Variants in MRM1 observed in about 807,000 individuals in gnomAD.
The protein encoded by MRM1 is mitochondrial rRNA methyltransferase 1.
In MRM1, 24 loss-of-function variants were observed where a neutral mutation model predicts 25.0. That is an observed-to-expected ratio of 0.96 (90% CI 0.69 to 1.35). The LOEUF (loss-of-function observed/expected upper bound fraction) is 1.35, where lower values mean the gene tolerates loss of function less well. Among genes scored for constraint, MRM1 ranks in the 40% most tolerant of loss-of-function variants. The probability of loss-of-function intolerance (pLI) is 0.00; values close to 1 mark genes in which losing one functional copy is unlikely to be tolerated. For missense variants in MRM1, 431 were observed against 464.1 expected, an observed-to-expected ratio of 0.93 and a Z score of 0.65; for synonymous variants, 188 against 199.2, an observed-to-expected ratio of 0.94 and a Z score of 0.47.
At chr17:36,621,198 A>C in the MRM1 span, among the ~76,000 whole-genome samples, 1 of 152,076 alleles carries the variant, frequency 6.6e-6, no homozygotes, top group Admixed American at 6.6e-5. Context: ...CCAAGGACCC[A>C]AGCCAGCCAC....
At chr17:36,619,950 A>C in the MRM1 span, among the ~76,000 whole-genome samples, 1 of 152,014 alleles carries the variant, frequency 6.6e-6, no homozygotes, top group Admixed American at 6.6e-5. Flanking sequence ...GTCATTTGTG[A>C]TGTCGGGCAT....
intron 2 of MRM1, chr17:36,603,194 A>G (rs1161055155): frequency 5.8e-5 from 51 of 880,990 alleles, no homozygotes; most frequent in Non-Finnish European, 6.8e-5. Flanking sequence ...CCCCAACTGC[A>G]GGGTGAGAAA....
chr17:36,610,061 G>A (rs2074966384), downstream of MRM1, among the ~76,000 whole-genome samples: 1 of 151,922 alleles, frequency 6.6e-6, no homozygotes, highest in Non-Finnish European at 1.5e-5. Context: ...AAGTGGCTGG[G>A]ACTACAGGCG....
the MRM1 span, among the ~76,000 whole-genome samples, chr17:36,632,040 A>G: frequency 6.6e-6 from 1 of 152,176 alleles, no homozygotes; most frequent in African/African-American, 2.4e-5. Flanking sequence ...TTTTTAGTAG[A>G]GACGGAGTTT....
the MRM1 span, among the ~76,000 whole-genome samples, chr17:36,621,234 C>T: frequency 1.9e-3 from 287 of 152,308 alleles, 2 homozygotes; most frequent in Non-Finnish European, 1.4e-3. Flanking sequence ...CATCCTGTGA[C>T]TGCTCCCCAT....
At chr17:36,618,661 GCCCA>G in the MRM1 span, among the ~76,000 whole-genome samples, 1 of 152,176 alleles carries the variant, frequency 6.6e-6, no homozygotes, top group South Asian at 2.1e-4. Flanking sequence ...GGAGCGGACA[GCCCA>G]GGGCTGGAAG....
At chr17:36,630,691 G>A in the MRM1 span, among the ~76,000 whole-genome samples, 1 of 152,138 alleles carries the variant, frequency 6.6e-6, no homozygotes, top group African/African-American at 2.4e-5. Context: ...GGACTGAGGG[G>A]GTCTGTAACC....
At chr17:36,610,032 TCTC>T (rs915525290), downstream of MRM1, among the ~76,000 whole-genome samples, 14 of 151,614 alleles carry the variant, frequency 9.2e-5, no homozygotes, top group African/African-American at 3.2e-4. Context: ...TTCAAGTGAT[TCTC>T]CTGCCTCAGC....
chr17:36,617,579 A>T, the MRM1 span, among the ~76,000 whole-genome samples: 1 of 151,910 alleles, frequency 6.6e-6, no homozygotes, highest in Non-Finnish European at 1.5e-5. Context: ...TATTTTGAGT[A>T]GAGGCGGGGT....
the MRM1 span, among the ~76,000 whole-genome samples, chr17:36,630,709 C>A: frequency 6.6e-6 from 1 of 152,096 alleles, no homozygotes; most frequent in East Asian, 1.9e-4. Context: ...ACCCTCGACT[C>A]CTGGGGGAGA....
chr17:36,610,547 G>A (rs2074970657), downstream of MRM1, among the ~76,000 whole-genome samples: 1 of 150,860 alleles, frequency 6.6e-6, no homozygotes, highest in Non-Finnish European at 1.5e-5. Context: ...TCTTTTTAAA[G>A]TCAAAGTTAC....
chr17:36,627,877 T>C, the MRM1 span, among the ~76,000 whole-genome samples: 2 of 152,040 alleles, frequency 1.3e-5, no homozygotes, highest in Non-Finnish European at 2.9e-5. Flanking sequence ...GGTATCGCCA[T>C]GTTGGCCAGG....
At chr17:36,626,031 T>C in the MRM1 span, among the ~76,000 whole-genome samples, 1 of 148,170 alleles carries the variant, frequency 6.7e-6, no homozygotes, top group East Asian at 2.1e-4. Context: ...GTTGCACAGC[T>C]GTTCCTTGCG....
the MRM1 span, among the ~76,000 whole-genome samples, chr17:36,625,462 C>CTTTTTTTTTTTTTTT: frequency 6.1e-4 from 62 of 102,004 alleles, 5 homozygotes; most frequent in African/African-American, 2.4e-3. Flanking sequence ...CCTCCTCCTC[C>CTTTTTTTTTTTTTTT]TTTTTTTTTT....
Position 36,608,550 on chromosome 17 carries a change from G to C in MRM1, c.*135G>C. 2 of 347,168 alleles carry C rather than the reference G, an allele frequency of 5.8e-6. No homozygotes were observed. Among genetic ancestry groups the C allele is most frequent in the Admixed American group, 4.6e-5 (1 of 21,768 alleles). The allele number at this position is 347,168 out of a possible 1,614,324, so 21.5% of individuals were successfully genotyped here. On this transcript the variant is annotated 3_prime_UTR_variant, in exon 5 of 5. Coordinates refer to ENST00000614766, the MANE Select transcript of MRM1 (RefSeq NM_024864.5). ...TATTGACCACAGTCTGGGGGGGGGG[G>C]AAGGGGACTGCGGTGGACACCAGAG... is the stretch of plus-strand genomic sequence containing the variant.
At chr17:36,606,908 G>GTTAT (rs2074934059) in intron 2 of MRM1, among the ~76,000 whole-genome samples, 1 of 141,388 alleles carries the variant, frequency 7.1e-6, no homozygotes, top group African/African-American at 2.7e-5. Flanking sequence ...ACTGCGCCTG[G>GTTAT]TTTTTTGTTT....
chr17:36,625,683 A>AGG, the MRM1 span, among the ~76,000 whole-genome samples: 4 of 151,544 alleles, frequency 2.6e-5, no homozygotes, highest in African/African-American at 9.7e-5. Context: ...GCTGGTCTTG[A>AGG]ACTCCTGACC....
At position 36,608,495 on chromosome 17, in the gene MRM1, C is replaced by A; in HGVS notation, c.*80C>A. The A allele has an allele frequency of 8.5e-7, 1 of 1,173,328 alleles. No individual in the cohort carries two copies. The highest frequency in any genetic ancestry group is 1.2e-6 in the Non-Finnish European group (1 of 869,326). The allele number at this position is 1,173,328 out of a possible 1,614,324, so 72.7% of individuals were successfully genotyped here. On this transcript the variant is annotated 3_prime_UTR_variant, in exon 5 of 5. Coordinates refer to ENST00000614766, the MANE Select transcript of MRM1 (RefSeq NM_024864.5). ...CCGCCGGCTCCAGTGTGCGGGGAGCCTCTGCCTGAGTGTGCACCAGGCCCA... is the reference window on the plus strand; with the variant it reads ...CCGCCGGCTCCAGTGTGCGGGGAGCATCTGCCTGAGTGTGCACCAGGCCCA...
At position 36,602,843 on chromosome 17, in the gene MRM1, G is replaced by C. The variant is rs1433879410; in HGVS notation, c.636+197G>C. On this transcript the variant is annotated intron_variant, in intron 2 of 4. Transcript: ENST00000614766. The surrounding 1 kb of genome is among the most constrained non-coding windows in gnomAD (Gnocchi z 4.1). ...GAGCATTAGCTGAATTCTTCCTAGC[G>C]TTATACCCTTTCCTGCACCCCTTCC... 1.2e-6 allele frequency: 1 copy of C among 800,938 alleles called. No individual in the cohort carries two copies. The highest frequency in any genetic ancestry group is 1.5e-6 in the Non-Finnish European group (1 of 662,094). 49.6% of individuals were successfully genotyped at this position (800,938 alleles called of 1,614,324 possible). A position where few individuals can be genotyped will look rare whatever the true frequency, so the allele number is the denominator to read the frequency against.
Sources: gnomAD v4.1 joint callset for allele counts (sites outside exome capture counted in the v4.1 genomes callset) on GRCh38, gnomAD v4.1.1 for gene constraint, Gnocchi (gnomAD v3.1) non-coding constraint, MANE v1.5 for transcripts, NCBI Gene and HGNC (gene_info 2026-07-23, HGNC 2026-07-21) for gene names.